WWOX: variants seen among roughly 807,000 people sequenced by gnomAD.
WWOX encodes WW domain-containing oxidoreductase.
Under a neutral mutation model 46.2 loss-of-function variants are expected in WWOX, and 69 were observed. The ratio of observed to expected loss-of-function variants is 1.49; its 90% confidence interval spans 1.23 to 1.82. The LOEUF (loss-of-function observed/expected upper bound fraction) is 1.82. Ranked by LOEUF, WWOX falls within the 40% of genes most tolerant of loss-of-function variation. The pLI is 0.00. For synonymous variants in WWOX, 359 were observed against 202.6 expected (o/e 1.77, Z -6.56); for missense variants, 919 against 542.6 (o/e 1.69, Z -6.89).
chr16:78,819,312 A>G (rs1048368149), intron 8 of WWOX, among the ~76,000 whole-genome samples: 8 of 152,136 alleles, frequency 5.3e-5, no homozygotes, highest in African/African-American at 1.7e-4. Flanking sequence ...TACACACCGG[A>G]CCAAATTGAG....
intron 8 of WWOX, among the ~76,000 whole-genome samples, chr16:78,956,594 A>T (rs1265127137): frequency 6.6e-6 from 1 of 150,932 alleles, no homozygotes; most frequent in Non-Finnish European, 1.5e-5. Context: ...CATACATCAT[A>T]TATTGTATCA....
intron 8 of WWOX, among the ~76,000 whole-genome samples, chr16:78,911,334 C>G (rs2045105573): frequency 6.6e-6 from 1 of 152,052 alleles, no homozygotes; most frequent in African/African-American, 2.4e-5. Flanking sequence ...TACCATAAAT[C>G]ACATATTTGT....
At chr16:78,457,601 G>T (rs546407822) in intron 8 of WWOX, among the ~76,000 whole-genome samples, 19 of 152,164 alleles carry the variant, frequency 1.2e-4, no homozygotes, top group African/African-American at 4.6e-4. Flanking sequence ...TGTGGGGGCT[G>T]CAGAGGACGC....
chr16:79,154,644 A>G (rs147754384), intron 8 of WWOX, among the ~76,000 whole-genome samples: 6 of 152,248 alleles, frequency 3.9e-5, no homozygotes, highest in Admixed American at 1.3e-4. Flanking sequence ...AAAAAATACA[A>G]CCCTTATGCT....
chr16:78,362,987 T>C (rs2081444203), intron 5 of WWOX, among the ~76,000 whole-genome samples: 1 of 152,190 alleles, frequency 6.6e-6, no homozygotes, highest in South Asian at 2.1e-4. Context: ...CATTAGGCAA[T>C]ATTCAAGTCT....
At chr16:78,710,606 T>C (rs1453904447) in intron 8 of WWOX, among the ~76,000 whole-genome samples, 2 of 147,684 alleles carry the variant, frequency 1.4e-5, no homozygotes, top group Non-Finnish European at 3.0e-5. Context: ...TATATACATA[T>C]ATGTGTATAT....
At chr16:79,166,885 G>C (rs1442103989) in intron 8 of WWOX, among the ~76,000 whole-genome samples, 1 of 152,140 alleles carries the variant, frequency 6.6e-6, no homozygotes, top group Non-Finnish European at 1.5e-5. Flanking sequence ...TATTTGTTCA[G>C]AAGAGACATT....
chr16:78,204,080 C>T (rs911744763), intron 5 of WWOX, among the ~76,000 whole-genome samples: 14 of 152,308 alleles, frequency 9.2e-5, no homozygotes, highest in African/African-American at 2.6e-4. Context: ...GTGGTGAGGG[C>T]ACAGTCTGCC....
intron 8 of WWOX, among the ~76,000 whole-genome samples, chr16:78,836,875 A>T (rs1380682933): frequency 6.6e-6 from 1 of 152,220 alleles, no homozygotes; most frequent in Non-Finnish European, 1.5e-5. Context: ...GCCAAGCAGT[A>T]GATGGGCTTT....
At chr16:79,202,710 C>T (rs1019659472) in intron 8 of WWOX, 1 of 152,094 alleles carries the variant, frequency 6.6e-6, no homozygotes, top group African/African-American at 2.4e-5. Context: ...CAAGTACATG[C>T]CTTCATATTA....
chr16:78,728,174 C>G (rs188783950), intron 8 of WWOX, among the ~76,000 whole-genome samples: 2 of 148,214 alleles, frequency 1.3e-5, no homozygotes, highest in Non-Finnish European at 3.0e-5. Context: ...AAGTGATTCT[C>G]CTGCCTCAGC....
intron 8 of WWOX, among the ~76,000 whole-genome samples, chr16:78,526,812 G>C (rs566561695): frequency 6.6e-6 from 1 of 152,314 alleles, no homozygotes; most frequent in East Asian, 1.9e-4. Context: ...GAGGGTGGCA[G>C]TGATCTTGAG....
chr16:78,706,924 A>G (rs1016142297), intron 8 of WWOX, among the ~76,000 whole-genome samples: 2 of 152,150 alleles, frequency 1.3e-5, no homozygotes, highest in Non-Finnish European at 2.9e-5. Context: ...CGGCCTCCCA[A>G]AGTATTAGGA....
intron 5 of WWOX, among the ~76,000 whole-genome samples, chr16:78,326,816 T>G (rs1313403097): frequency 6.6e-6 from 1 of 152,162 alleles, no homozygotes; most frequent in African/African-American, 2.4e-5. Context: ...CAAAACATGC[T>G]TATTTTAGGA....
chr16:79,125,345 T>A lies in WWOX; in HGVS notation c.1057-86263T>A, dbSNP rs142685102. ...CCTGAGAACATTTCCTAAATGCTCA[T>A]AGCGTCCAATAGCATGGGAAAGTAA... is the stretch of plus-strand genomic sequence containing the variant. On this transcript the variant is annotated intron_variant, in intron 8 of 8. Transcript: ENST00000566780. 5.0e-3 allele frequency among the ~76,000 whole-genome samples: 764 copies of A among 152,332 alleles called. 3 individuals carry two copies. Among genetic ancestry groups the A allele is most frequent in the African/African-American group, 0.017 (718 of 41,568 alleles).
chr16:78,913,059 A>G (rs1334426372), intron 8 of WWOX, among the ~76,000 whole-genome samples: 2 of 151,936 alleles, frequency 1.3e-5, no homozygotes, highest in East Asian at 3.9e-4. Context: ...TCTTTAATGA[A>G]TTAACCCTTT....
intron 5 of WWOX, among the ~76,000 whole-genome samples, chr16:78,254,903 A>G (rs1183140602): frequency 6.6e-6 from 1 of 152,150 alleles, no homozygotes; most frequent in Non-Finnish European, 1.5e-5. Context: ...AGGGTTGTTG[A>G]AAACCCACTG....
intron 8 of WWOX, among the ~76,000 whole-genome samples, chr16:78,771,487 A>C (rs1252378166): frequency 6.6e-6 from 1 of 152,164 alleles, no homozygotes; most frequent in Admixed American, 6.5e-5. Context: ...AATGCTTAAA[A>C]TGCGCTGGGT....
chr16:78,815,312 G>C (rs1245052716), intron 8 of WWOX, among the ~76,000 whole-genome samples: 1 of 149,576 alleles, frequency 6.7e-6, no homozygotes, highest in Non-Finnish European at 1.5e-5. Flanking sequence ...CTGAGAGAAT[G>C]AAACTCTGTC....
Sources: gnomAD v4.1 joint callset for allele counts (sites outside exome capture counted in the v4.1 genomes callset) on GRCh38, gnomAD v4.1.1 for gene constraint, MANE v1.5 for transcripts, NCBI Gene and HGNC (gene_info 2026-07-23, HGNC 2026-07-21) for gene names.